COQ9: variants seen among roughly 807,000 people sequenced by gnomAD.
COQ9 encodes coenzyme Q9.
Under a neutral mutation model 42.4 loss-of-function variants are expected in COQ9, and 35 were observed. The ratio of observed to expected loss-of-function variants is 0.83; its 90% CI spans 0.63 to 1.10. COQ9 has a LOEUF of 1.10. Among genes scored for constraint, COQ9 ranks in the 50% least tolerant of loss-of-function variants. The pLI, the probability that COQ9 is intolerant of heterozygous loss-of-function variation, is 0.00. For synonymous variants in COQ9, 155 were observed against 155.1 expected, an observed-to-expected ratio of 1.00 and a Z score of 0.00; for missense variants, 406 against 414.6, an observed-to-expected ratio of 0.98 and a Z score of 0.18.
At chr16:57,448,647 AAG>A (rs2030199089) in intron 1 of COQ9, among the ~76,000 whole-genome samples, 2 of 151,930 alleles carry the variant, frequency 1.3e-5, no homozygotes, top group Admixed American at 6.6e-5. Flanking sequence ...TCCTGACCTC[AAG>A]TTATCTGCCT....
chr16:57,457,135 C>G (rs1286863624), intron 5 of COQ9, 120 bp downstream of exon 5: 1 of 803,758 alleles, frequency 1.2e-6, no homozygotes, highest in Admixed American at 2.0e-5. Flanking sequence ...TCTCTATAAA[C>G]CCGACAATAC....
chr16:57,456,528 G>A lies in COQ9; in HGVS notation c.403G>A (p.Ala135Thr). ...GTCTCTGGGTCTCTCCAGTGCAGCA[G>A]CCAGCATGTTCGGGAAGGATGGCAG... ...AQSLGLSSAA[A>T]SMFGKDGSEL... The change falls in exon 4 of 9, where the codon GCC becomes ACC. Residue 135 changes from alanine (A) to threonine (T), a missense_variant. Ala to Thr is a moderately conservative substitution (Grantham distance 58). Transcript: ENST00000262507. 1.2e-6 allele frequency: 2 copies of A among 1,614,168 alleles called. No homozygotes were observed. Among genetic ancestry groups the A allele is most frequent in the Non-Finnish European group, 1.7e-6 (2 of 1,180,030 alleles).
At position 57,456,497 on chromosome 16, in the gene COQ9, T is replaced by A. The variant is rs769689773; in HGVS notation, c.379-7T>A. 1.9e-6 allele frequency: 3 copies of A among 1,614,070 alleles called. No individual in the cohort carries two copies. In the South Asian group the frequency reaches 3.3e-5, roughly 18 times the overall value. ...CGCTTTTCTGTTTTCTGTCTCCCCT[T>A]TTGTAGTCTCTGGGTCTCTCCAGTG... is the stretch of plus-strand genomic sequence containing the variant. On this transcript the variant is annotated splice_region_variant and splice_polypyrimidine_tract_variant and intron_variant, in intron 3 of 8. Coordinates refer to ENST00000262507, the MANE Select transcript of COQ9 (RefSeq NM_020312.4).
chr16:57,452,351 G>A (rs1425877618), intron 2 of COQ9, among the ~76,000 whole-genome samples: 1 of 152,234 alleles, frequency 6.6e-6, no homozygotes, highest in Non-Finnish European at 1.5e-5. Context: ...GCATTAAAAC[G>A]TTGATACTGG....
At position 57,459,657 on chromosome 16, in the gene COQ9, C is replaced by T. The variant is rs771255552; in HGVS notation, c.804C>T (p.Asp268=). 4 of 1,614,168 alleles carry T rather than the reference C, an allele frequency of 2.5e-6. No individual in the cohort carries two copies. Among genetic ancestry groups the T allele is most frequent in the Non-Finnish European group, 2.5e-6 (3 of 1,180,008 alleles). ...MMQDSSPDFE[D]TWRFLENRVN... ...AGGACTCCTCTCCAGACTTTGAGGACACTTGGCGCTTCCTGGAAAACCGGG... is the reference window on the plus strand; with the variant it reads ...AGGACTCCTCTCCAGACTTTGAGGATACTTGGCGCTTCCTGGAAAACCGGG... Residue 268 remains aspartate (D), a synonymous_variant, in exon 7 of 9, where the codon GAC becomes GAT. Transcript: ENST00000262507.
Position 57,452,775 on chromosome 16 carries a change from T to C in COQ9, c.243-26T>C, listed in dbSNP as rs1472556066. ...ATTGTACATGCCAGGAGATGAAGTA[T>C]GCTGGGCTGTGTCCTCTTGTCTCAG... On this transcript the variant is annotated intron_variant, in intron 2 of 8. Transcript: ENST00000262507. 5.6e-6 allele frequency: 9 copies of C among 1,612,604 alleles called. No homozygotes were observed. The Middle Eastern group carries it at 6.2e-4, about 112-fold the overall frequency.
intron 1 of COQ9, among the ~76,000 whole-genome samples, chr16:57,448,095 A>G (rs1267042915): frequency 2.6e-5 from 4 of 152,236 alleles, no homozygotes; most frequent in African/African-American, 4.8e-5. Flanking sequence ...TATCATTGTC[A>G]TAAATGGAAA....
At chr16:57,455,825 C>T (rs1448330383) in intron 3 of COQ9, among the ~76,000 whole-genome samples, 1 of 152,094 alleles carries the variant, frequency 6.6e-6, no homozygotes, top group Non-Finnish European at 1.5e-5. Flanking sequence ...TATGTGTAAT[C>T]CCAGCACTTG....
chr16:57,460,608 TA>T lies in COQ9; in HGVS notation c.944del (p.Asn315ThrfsTer22), dbSNP rs1278204804. The stretch of plus-strand genomic sequence containing the variant: ...TGTCAGCTCAAGAACTTGACAGGTC[TA>T]AACCAGCGTCGGTGAGAGGAAGGGG... ...AAVTLKNLTG[L>X]NQRR On this transcript the variant is annotated frameshift_variant, in exon 9 of 9. Transcript: ENST00000262507. LOFTEE classifies it high-confidence loss of function. The T allele has an allele frequency of 1.2e-6, 2 of 1,614,126 alleles. No individual in the cohort carries two copies. Among genetic ancestry groups the T allele is most frequent in the Admixed American group, 3.3e-5 (2 of 60,030 alleles).
chr16:57,447,719 C>A lies in COQ9; in HGVS notation c.73+141C>A, dbSNP rs1218972238. The A allele has an allele frequency of 4.5e-6, 3 of 661,228 alleles. No individual in the cohort carries two copies. The African/African-American group carries it at 5.6e-5, about 12-fold the overall frequency. The allele number at this position is 661,228 out of a possible 1,614,324, so 41.0% of individuals were successfully genotyped here. A position where few individuals can be genotyped will look rare whatever the true frequency, so the allele number is the denominator to read the frequency against. On this transcript the variant is annotated intron_variant, in intron 1 of 8. Transcript: ENST00000262507. Reference sequence around the variant, plus strand: ...GAGGTGAAGGGCATCGGCGCGGGCTCGGGCGAGCCGCCTGGCTAGCTTCGG... The same window carrying A: ...GAGGTGAAGGGCATCGGCGCGGGCTAGGGCGAGCCGCCTGGCTAGCTTCGG...
chr16:57,459,464 C>G, intron 6 of COQ9, 101 bp from the exon 7 acceptor site: 1 of 1,173,724 alleles, frequency 8.5e-7, no homozygotes, highest in Non-Finnish European at 1.3e-6. Context: ...CTGTGACAGT[C>G]AAGAAGTAGT....
At chr16:57,457,123 A>C in intron 5 of COQ9, 108 bp downstream of exon 5, 17 of 873,320 alleles carry the variant, frequency 1.9e-5, no homozygotes, top group Admixed American at 3.9e-5. Flanking sequence ...TTAGCTTCTC[A>C]ATCTCTATAA....
intron 5 of COQ9, among the ~76,000 whole-genome samples, chr16:57,457,947 T>C (rs1292518723): frequency 6.6e-6 from 1 of 152,044 alleles, no homozygotes; most frequent in East Asian, 1.9e-4. Flanking sequence ...GACTGGGGTA[T>C]CTTTGCCCAT....
intron 1 of COQ9, 119 bp downstream of exon 1, chr16:57,447,697 G>A: frequency 3.4e-6 from 3 of 893,988 alleles, no homozygotes; most frequent in Non-Finnish European, 4.4e-6. Flanking sequence ...GCAAGGTGAG[G>A]TGAAGGGCAT....
rs1248544273 is a variant in COQ9, at chr16:57,459,636, C to T, written c.783C>T (p.Asp261=). The change falls in exon 7 of 9, where the codon GAC becomes GAT. Residue 261 remains aspartate, a synonymous_variant. Transcript: ENST00000262507. ...CAACAGAGCTGGTGATGATGCAGGA[C>T]TCCTCTCCAGACTTTGAGGACACTT... ...YNTTELVMMQ[D]SSPDFEDTWR... The T allele has an allele frequency of 2.5e-6, 4 of 1,613,964 alleles. No homozygotes were observed. Among genetic ancestry groups the T allele is most frequent in the Admixed American group, 1.7e-5 (1 of 60,014 alleles).
chr16:57,460,235 G>T (rs1425654082), intron 8 of COQ9, 131 bp downstream of exon 8: 2 of 992,402 alleles, frequency 2.0e-6, no homozygotes, highest in Admixed American at 4.0e-5. Flanking sequence ...GCTGACAATG[G>T]TTCAGCCCTA....
chr16:57,451,847 A>G (rs1378139722), intron 2 of COQ9, among the ~76,000 whole-genome samples: 3 of 152,232 alleles, frequency 2.0e-5, no homozygotes, highest in African/African-American at 4.8e-5. Context: ...CTTCACTAGT[A>G]TAAGAAATAA....
intron 4 of COQ9, 126 bp downstream of exon 4, chr16:57,456,772 C>T (rs774996699): frequency 8.7e-6 from 12 of 1,376,310 alleles, no homozygotes; most frequent in East Asian, 2.4e-5. Flanking sequence ...AGCCCTGCTG[C>T]TGTGATGGGA....
rs749598554 is a variant in COQ9, at chr16:57,456,655, C to A, written c.521+9C>A. 30 of 1,612,486 alleles carry A rather than the reference C, an allele frequency of 1.9e-5. No homozygotes were observed. Among genetic ancestry groups the A allele is most frequent in the African/African-American group, 2.7e-5 (2 of 74,912 alleles). On this transcript the variant is annotated intron_variant, in intron 4 of 8. Coordinates refer to ENST00000262507, the MANE Select transcript of COQ9 (RefSeq NM_020312.4). ...CAGTTGGGCCAGGCGGAGTAAGTCC[C>A]ATGGCATTACTACTCAGGGTGGCAG...
Sources: allele counts gnomAD v4.1 joint callset (sites outside exome capture counted in the v4.1 genomes callset), GRCh38; gene constraint gnomAD v4.1.1; transcripts MANE v1.5; gene names NCBI Gene and HGNC (gene_info 2026-07-23, HGNC 2026-07-21).